The following CNOT11 variants were observed in gnomAD, a reference collection of about 807,000 sequenced individuals.
CNOT11 encodes the protein UPF0760 protein C2orf29.
In CNOT11, 18 loss-of-function variants were observed where a neutral mutation model predicts 44.6. The ratio of observed to expected loss-of-function variants is 0.40; its 90% CI spans 0.28 to 0.60. The LOEUF (loss-of-function observed/expected upper bound fraction) is 0.60. Among genes scored for constraint, CNOT11 ranks in the 20% least tolerant of loss-of-function variants. The probability of loss-of-function intolerance (pLI) is 0.38; values close to 1 mark genes in which losing one functional copy is unlikely to be tolerated. For synonymous variants in CNOT11, 291 were observed against 270.9 expected, an observed-to-expected ratio of 1.07 and a Z score of -0.73; for missense variants, 513 against 677.0, an observed-to-expected ratio of 0.76 and a Z score of 2.69.
chr2:101,266,347 C>G (rs1681982385), intron 4 of CNOT11, among the ~76,000 whole-genome samples: 2 of 152,026 alleles, frequency 1.3e-5, no homozygotes, highest in Non-Finnish European at 2.9e-5. Flanking sequence ...AAAAAAAAAC[C>G]TGCAAAGGAC....
intron 4 of CNOT11, among the ~76,000 whole-genome samples, chr2:101,266,057 G>GA (rs1275982218): frequency 6.6e-6 from 1 of 151,956 alleles, no homozygotes; most frequent in Non-Finnish European, 1.5e-5. Context: ...GTAGACGGGG[G>GA]AAAAAAAGCA....
Position 101,262,688 on chromosome 2 carries a change from G to C in CNOT11, c.829G>C (p.Glu277Gln). 1.2e-6 allele frequency: 2 copies of C among 1,612,322 alleles called. No homozygotes were observed. Among genetic ancestry groups the C allele is most frequent in the Non-Finnish European group, 8.5e-7 (1 of 1,178,426 alleles). Residue 277 changes from glutamate to glutamine, a missense_variant, in exon 3 of 7, where the codon GAA becomes CAA. Physicochemically the swap from Glu to Gln is conservative, Grantham distance 29. This residue lies in a region of CNOT11 where 140 missense variants were observed against 169.8 expected (regional missense o/e 0.82). Coordinates refer to ENST00000289382, the MANE Select transcript of CNOT11 (RefSeq NM_017546.5). ...AGTCAGCGGACCAAAGCCACCTATT[G>C]AAAGTAGGTACATATAAATTAATTT... The part of the protein sequence containing the change: ...ALVSGPKPPI[E>Q]SHFRPEFIRP...
At position 101,253,336 on chromosome 2, in the gene CNOT11, C is replaced by T; in HGVS notation, c.372C>T (p.Arg124=). 1.2e-6 allele frequency: 2 copies of T among 1,604,456 alleles called. No individual in the cohort carries two copies. Among genetic ancestry groups the T allele is most frequent in the Non-Finnish European group, 1.7e-6 (2 of 1,179,088 alleles). Residue 124 remains arginine (R), a synonymous_variant, in exon 1 of 7, where the codon CGC becomes CGT. Transcript: ENST00000289382. The surrounding 1 kb of genome is among the most constrained non-coding windows in gnomAD (Gnocchi z 4.3). Reference sequence around the variant, plus strand: ...ACCTGCTGCCTAGCGCGGCGCAGCGCCTCACGGCGCTCTACCTGCTCTGGG... The same window carrying T: ...ACCTGCTGCCTAGCGCGGCGCAGCGTCTCACGGCGCTCTACCTGCTCTGGG... ...QPDLLPSAAQ[R]LTALYLLWEM...
intron 2 of CNOT11, among the ~76,000 whole-genome samples, chr2:101,260,332 T>C (rs1040942611): frequency 2.6e-5 from 4 of 152,136 alleles, no homozygotes; most frequent in African/African-American, 9.7e-5. Flanking sequence ...CATAATAAAG[T>C]GAGAATCACA....
chr2:101,261,744 G>A (rs1475223394), intron 2 of CNOT11, among the ~76,000 whole-genome samples: 1 of 151,596 alleles, frequency 6.6e-6, no homozygotes, highest in East Asian at 1.9e-4. Flanking sequence ...GTTCCTAATG[G>A]GATTAAATAT....
intron 3 of CNOT11, 51 bp from the exon 4 acceptor site, chr2:101,264,794 G>C: frequency 7.1e-7 from 1 of 1,406,048 alleles, no homozygotes. Context: ...TGTGAGATGT[G>C]TAGAGATGTT....
chr2:101,268,958 C>T (rs1682052219), intron 5 of CNOT11, 82 bp from the exon 6 acceptor site: 2 of 891,040 alleles, frequency 2.2e-6, no homozygotes, highest in Admixed American at 2.6e-5. Context: ...ATGACCAAAG[C>T]AAATTTTGTA....
intron 1 of CNOT11, among the ~76,000 whole-genome samples, chr2:101,256,545 G>A (rs915497797): frequency 2.0e-5 from 3 of 152,136 alleles, no homozygotes; most frequent in Non-Finnish European, 4.4e-5. Context: ...CAAAAGGGAA[G>A]GAACATTCAG....
chr2:101,253,212 G>C lies in CNOT11; in HGVS notation c.248G>C (p.Ser83Thr). The change falls in exon 1 of 7, where the codon AGC (serine) becomes ACC (threonine). Residue 83 changes from serine to threonine, a missense_variant. Physicochemically the swap from Ser to Thr is moderately conservative, Grantham distance 58. Transcript: ENST00000289382. The surrounding 1 kb of genome is among the most constrained non-coding windows in gnomAD (Gnocchi z 4.3). Reference sequence around the variant, plus strand: ...ATATCGGAGGAGGCGGGCGGCGGCAGCACCTTCGAGGGCCTGTCCACCGCC... The same window carrying C: ...ATATCGGAGGAGGCGGGCGGCGGCACCACCTTCGAGGGCCTGTCCACCGCC... ...SIISEEAGGGSTFEGLSTAFH... is the reference protein window; with the variant it reads ...SIISEEAGGGTTFEGLSTAFH... 6 of 1,606,114 alleles carry C rather than the reference G, an allele frequency of 3.7e-6. No individual in the cohort carries two copies. The highest frequency in any genetic ancestry group is 1.4e-5 in the African/African-American group (1 of 73,958).
chr2:101,269,929 C>T lies in CNOT11; in HGVS notation c.*516C>T, dbSNP rs1251631729. ...TCCTCATGAGGCACACAGCTCTTAA[C>T]TCCTGATGAACCAAGGATTTACTCA... On this transcript the variant is annotated 3_prime_UTR_variant, in exon 7 of 7. Transcript: ENST00000289382. This position sits in a 1 kb window ranked among gnomAD's most constrained non-coding sequence, Gnocchi z 4.8. 2.6e-5 allele frequency: 4 copies of T among 152,526 alleles called. No individual in the cohort carries two copies. In the East Asian group the frequency reaches 7.7e-4, roughly 29 times the overall value. The allele number at this position is 152,526 out of a possible 1,614,324, so 9.4% of individuals were successfully genotyped here.
At chr2:101,258,941 C>T (rs1681792933) in intron 2 of CNOT11, among the ~76,000 whole-genome samples, 1 of 152,112 alleles carries the variant, frequency 6.6e-6, no homozygotes, top group Admixed American at 6.5e-5. Context: ...CAAGACTAGC[C>T]TGGGCAACAT....
In CNOT11 at chr2:101,261,939, C is replaced by T. The variant is rs544117486; in HGVS notation, c.680-600C>T. Reference sequence around the variant, plus strand: ...TTGGCTCACTGCAAGCTCCGCCTCCCGGGTTCATGCCATTCTCCTGCCTCA... The same window carrying T: ...TTGGCTCACTGCAAGCTCCGCCTCCTGGGTTCATGCCATTCTCCTGCCTCA... On this transcript the variant is annotated intron_variant, in intron 2 of 6. Transcript: ENST00000289382. Among the ~76,000 whole-genome samples the T allele has an allele frequency of 6.6e-5, 10 of 151,124 alleles. No homozygotes were observed. The East Asian group carries it at 1.4e-3, about 21-fold the overall frequency.
chr2:101,253,074 C>G lies in CNOT11; in HGVS notation c.110C>G (p.Ser37Cys). The change falls in exon 1 of 7, where the codon TCC becomes TGC. Residue 37 changes from serine to cysteine, a missense_variant. Physicochemically the swap from Ser to Cys is moderately radical, Grantham distance 112. Coordinates refer to ENST00000289382, the MANE Select transcript of CNOT11 (RefSeq NM_017546.5). The surrounding 1 kb of genome is among the most constrained non-coding windows in gnomAD (Gnocchi z 4.3). ...GSASRSGFGG[S>C]GGGRGGASGP... Reference sequence around the variant, plus strand: ...GCGTCCAGGAGCGGCTTCGGGGGCTCCGGCGGCGGCAGAGGCGGAGCAAGC... The same window carrying G: ...GCGTCCAGGAGCGGCTTCGGGGGCTGCGGCGGCGGCAGAGGCGGAGCAAGC... 6.6e-7 allele frequency: 1 copy of G among 1,516,112 alleles called. No homozygotes were observed. Among genetic ancestry groups the G allele is most frequent in the Non-Finnish European group, 8.8e-7 (1 of 1,137,726 alleles). The allele number at this position is 1,516,112 out of a possible 1,614,324, so 93.9% of individuals were successfully genotyped here.
chr2:101,261,485 G>A lies in CNOT11; in HGVS notation c.680-1054G>A, dbSNP rs1169996355. Among the ~76,000 whole-genome samples, 4 of 152,156 alleles carry A rather than the reference G, an allele frequency of 2.6e-5. No individual in the cohort carries two copies. In the East Asian group the frequency reaches 7.7e-4, roughly 29 times the overall value. On this transcript the variant is annotated intron_variant, in intron 2 of 6. Transcript: ENST00000289382. ...TGTTGTTGATGGACATAATACTGCT[G>A]TGAACATTCTTGCACATTATTCTGG...
chr2:101,254,396 C>G, intron 1 of CNOT11, among the ~76,000 whole-genome samples: 1 of 152,050 alleles, frequency 6.6e-6, no homozygotes, highest in Non-Finnish European at 1.5e-5. Context: ...TACAGGAGGG[C>G]CGCGTTTCTA....
chr2:101,269,545 T>G lies in CNOT11; in HGVS notation c.*132T>G. 1 of 685,940 alleles carries G rather than the reference T, an allele frequency of 1.5e-6. No individual in the cohort carries two copies. The highest frequency in any genetic ancestry group is 2.3e-6 in the Non-Finnish European group (1 of 435,650). The allele number at this position is 685,940 out of a possible 1,614,324, so 42.5% of individuals were successfully genotyped here. ...GTACTTTATCTACTTAAAGCAAAGT[T>G]TTGCTTTCTTGAATGACTTTTTCTG... is the stretch of plus-strand genomic sequence containing the variant. On this transcript the variant is annotated 3_prime_UTR_variant, in exon 7 of 7. Coordinates refer to ENST00000289382, the MANE Select transcript of CNOT11 (RefSeq NM_017546.5). The surrounding 1 kb of genome is among the most constrained non-coding windows in gnomAD (Gnocchi z 4.8).
chr2:101,253,562 G>A lies in CNOT11; in HGVS notation c.514+84G>A. The A allele has an allele frequency of 2.5e-6, 3 of 1,208,526 alleles. No individual in the cohort carries two copies. The highest frequency in any genetic ancestry group is 3.3e-6 in the Non-Finnish European group (3 of 915,906). 74.9% of individuals were successfully genotyped at this position (1,208,526 alleles called of 1,614,324 possible). On this transcript the variant is annotated intron_variant, in intron 1 of 6. Transcript: ENST00000289382. The surrounding 1 kb of genome is among the most constrained non-coding windows in gnomAD (Gnocchi z 4.3). ...TGCGCTGCTGGGAACTCACCTGAAA[G>A]GGAAATTAACTATCCCTGTGAAATG...
chr2:101,253,084 C>G lies in CNOT11; in HGVS notation c.120C>G (p.Gly40=). The change falls in exon 1 of 7, where the codon GGC becomes GGG. Residue 40 remains glycine, a synonymous_variant. Transcript: ENST00000289382. The surrounding 1 kb of genome is among the most constrained non-coding windows in gnomAD (Gnocchi z 4.3). ...GCGGCTTCGGGGGCTCCGGCGGCGG[C>G]AGAGGCGGAGCAAGCGGCCCCGGGT... ...SRSGFGGSGG[G]RGGASGPGSG... The G allele has an allele frequency of 6.6e-7, 1 of 1,514,992 alleles. No individual in the cohort carries two copies. The highest frequency in any genetic ancestry group is 2.7e-5 in the East Asian group (1 of 37,448). 93.8% of individuals were successfully genotyped at this position (1,514,992 alleles called of 1,614,324 possible).
At position 101,253,577 on chromosome 2, in the gene CNOT11, C is replaced by T; in HGVS notation, c.514+99C>T. ...TCACCTGAAAGGGAAATTAACTATC[C>T]CTGTGAAATGATCATCCTCTTTTTC... On this transcript the variant is annotated intron_variant, in intron 1 of 6. Transcript: ENST00000289382. The surrounding 1 kb of genome is among the most constrained non-coding windows in gnomAD (Gnocchi z 4.3). 2 of 1,079,834 alleles carry T rather than the reference C, an allele frequency of 1.9e-6. No homozygotes were observed. The highest frequency in any genetic ancestry group is 1.8e-5 in the South Asian group (1 of 54,128). The allele number at this position is 1,079,834 out of a possible 1,614,324, so 66.9% of individuals were successfully genotyped here. A position where few individuals can be genotyped will look rare whatever the true frequency, so the allele number is the denominator to read the frequency against.
Sources: allele counts gnomAD v4.1 joint callset (sites outside exome capture counted in the v4.1 genomes callset), GRCh38; gene constraint gnomAD v4.1.1; regional missense constraint gnomAD v4.1.1; non-coding constraint Gnocchi (gnomAD v3.1); transcripts MANE v1.5; gene names NCBI Gene and HGNC (gene_info 2026-07-23, HGNC 2026-07-21).